The following EVC variants were observed in gnomAD, a reference collection of about 807,000 sequenced individuals.
The protein encoded by EVC is EvC ciliary complex subunit 1, also known as evC complex member EVC.
A neutral mutation model predicts 118.9 loss-of-function variants in EVC; 116 were observed. That is an observed-to-expected ratio of 0.98 (90% CI 0.84 to 1.14). The LOEUF (loss-of-function observed/expected upper bound fraction) is 1.14. Among genes scored for constraint, EVC ranks in the 50% most tolerant of loss-of-function variants. EVC has a pLI of 0.00. For missense variants in EVC, 1,401 were observed against 1,246.4 expected (o/e 1.12, Z -1.87); for synonymous variants, 619 against 534.7 (o/e 1.16, Z -2.18).
chr4:5,765,174 C>T lies in EVC; in HGVS notation c.1563+8812C>T, dbSNP rs2152142900. 1.7e-5 allele frequency among the ~76,000 whole-genome samples: 2 copies of T among 117,854 alleles called. 1 individual carries two copies. The highest frequency in any genetic ancestry group is 5.4e-4 in the East Asian group (2 of 3,688). 77.3% of individuals were successfully genotyped at this position (117,854 alleles called of 152,430 possible). A position where few individuals can be genotyped will look rare whatever the true frequency, so the allele number is the denominator to read the frequency against. ...TTTTGTTATGTATCCAGTAGTCATT[C>T]AGGAGCAGGTTGTTCAGTTTCCATG... On this transcript the variant is annotated intron_variant, in intron 11 of 20. Transcript: ENST00000264956.
At chr4:5,792,301 CAAGTT>C (rs1293614094) in intron 12 of EVC, among the ~76,000 whole-genome samples, 2 of 152,212 alleles carry the variant, frequency 1.3e-5, no homozygotes, top group Admixed American at 6.5e-5. Flanking sequence ...GTTAGAAAGT[CAAGTT>C]AAGGAAAACA....
At chr4:5,825,900 G>C in the EVC span, 18,760 of 531,396 alleles carry the variant, frequency 0.035, 430 homozygotes, top group African/African-American at 0.056. This position sits in a 1 kb window ranked among gnomAD's most constrained non-coding sequence, Gnocchi z 4.4. Flanking sequence ...TACACATACA[G>C]ACGCACACAC....
chr4:5,819,565 C>T, the EVC span, among the ~76,000 whole-genome samples: 1 of 152,190 alleles, frequency 6.6e-6, no homozygotes, highest in Non-Finnish European at 1.5e-5. Context: ...GCTCCCATGA[C>T]CTGGGAGTCA....
chr4:5,819,405 C>T, the EVC span, among the ~76,000 whole-genome samples: 1 of 152,210 alleles, frequency 6.6e-6, no homozygotes, highest in African/African-American at 2.4e-5. Flanking sequence ...AAGGAAGTCA[C>T]ATGCCTTAAA....
At chr4:5,791,984 G>C (rs1400209267) in intron 12 of EVC, among the ~76,000 whole-genome samples, 2 of 152,204 alleles carry the variant, frequency 1.3e-5, no homozygotes, top group African/African-American at 4.8e-5. Context: ...GGGGAGCTCT[G>C]ATGGCCTGTG....
intron 11 of EVC, among the ~76,000 whole-genome samples, chr4:5,782,628 A>T (rs1179103419): frequency 7.0e-6 from 1 of 141,866 alleles, no homozygotes; most frequent in African/African-American, 2.6e-5. Flanking sequence ...TTTGTTTTTC[A>T]TGATTTTTAG....
Position 5,753,041 on chromosome 4 carries a change from G to A in EVC, c.1304G>A (p.Arg435His), listed in dbSNP as rs138898694. 236 of 1,597,198 alleles carry A rather than the reference G, an allele frequency of 1.5e-4. No individual in the cohort carries two copies. The highest frequency in any genetic ancestry group is 1.2e-3 in the African/African-American group (92 of 74,902). ...QHKAFWQEAERFSREFVQRGK... is the reference protein window; with the variant it reads ...QHKAFWQEAEHFSREFVQRGK... ...AAGGCCTTCTGGCAGGAGGCAGAGCGCTTCAGCCGGGGTGAGCCGTGGGCA... is the reference window on the plus strand; with the variant it reads ...AAGGCCTTCTGGCAGGAGGCAGAGCACTTCAGCCGGGGTGAGCCGTGGGCA... The change falls in exon 9 of 21, where the codon CGC becomes CAC. Residue 435 changes from arginine (R) to histidine (H), a missense_variant. Coordinates refer to ENST00000264956, the MANE Select transcript of EVC (RefSeq NM_153717.3).
chr4:5,711,588 G>C lies in EVC; in HGVS notation c.174+34G>C, dbSNP rs1042350702. On this transcript the variant is annotated intron_variant, in intron 1 of 20. Transcript: ENST00000264956. The stretch of plus-strand genomic sequence containing the variant: ...GCCGAGCAGACAGCGGCGGGGCGGG[G>C]AGCGCGGGGCGCGTGGCTTCTGGGT... The C allele has an allele frequency of 8.2e-5, 96 of 1,170,784 alleles. No individual in the cohort carries two copies. In the African/African-American group the frequency reaches 1.4e-3, roughly 17 times the overall value. 72.5% of individuals were successfully genotyped at this position (1,170,784 alleles called of 1,614,324 possible). A position where few individuals can be genotyped will look rare whatever the true frequency, so the allele number is the denominator to read the frequency against.
rs1730926821 is a variant in EVC, at chr4:5,754,879, T to C, written c.1464+946T>C. On this transcript the variant is annotated intron_variant, in intron 10 of 20. Transcript: ENST00000264956. The surrounding 1 kb of genome is among the most constrained non-coding windows in gnomAD (Gnocchi z 5.8). ...GGTCCGCCTGCCCTCCGTCAACACT[T>C]GGTACAGCACATCTCAGTTCTGCCA... Among the ~76,000 whole-genome samples the C allele has an allele frequency of 6.6e-6, 1 of 152,056 alleles. No homozygotes were observed. The highest frequency in any genetic ancestry group is 6.5e-5 in the Admixed American group (1 of 15,276).
chr4:5,748,779 C>CCCAT lies in EVC; in HGVS notation c.1098+496_1098+499dup, dbSNP rs145024569. On this transcript the variant is annotated intron_variant, in intron 8 of 20. Coordinates refer to ENST00000264956, the MANE Select transcript of EVC (RefSeq NM_153717.3). ...ATTTACTCATCCATCCATCCATCCACCCATCCATCCATCCATCCATCCATC... is the reference window on the plus strand; with the variant it reads ...ATTTACTCATCCATCCATCCATCCACCCATCCATCCATCCATCCATCCATCCATC... 2.0e-4 allele frequency among the ~76,000 whole-genome samples: 16 copies of CCCAT among 80,288 alleles called. No homozygotes were observed. In the South Asian group the frequency reaches 2.8e-3, roughly 14 times the overall value. The allele number at this position is 80,288 out of a possible 152,430, so 52.7% of individuals were successfully genotyped here. A position where few individuals can be genotyped will look rare whatever the true frequency, so the allele number is the denominator to read the frequency against.
chr4:5,827,755 G>A, the EVC span, among the ~76,000 whole-genome samples: 4 of 116,640 alleles, frequency 3.4e-5, no homozygotes, highest in South Asian at 5.3e-4. Flanking sequence ...ACACACACAC[G>A]AAGCTGGCCT....
chr4:5,745,389 CA>C, intron 7 of EVC, 48 bp downstream of exon 7: 1 of 1,602,522 alleles, frequency 6.2e-7, no homozygotes, highest in South Asian at 1.1e-5. Flanking sequence ...GTTCCTAAAA[CA>C]GTTAAATTGG....
the EVC span, among the ~76,000 whole-genome samples, chr4:5,827,299 T>G: frequency 6.6e-6 from 1 of 152,178 alleles, no homozygotes; most frequent in African/African-American, 2.4e-5. Flanking sequence ...TGAGTCCCCT[T>G]GTCCTCATAT....
intron 12 of EVC, among the ~76,000 whole-genome samples, chr4:5,784,049 C>T (rs1182899556): frequency 1.3e-5 from 2 of 152,024 alleles, no homozygotes; most frequent in Admixed American, 1.3e-4. Flanking sequence ...AACCAAATGG[C>T]AGGAAGGAAA....
intron 1 of EVC, among the ~76,000 whole-genome samples, chr4:5,714,636 G>T (rs1472962263): frequency 6.6e-6 from 1 of 152,012 alleles, no homozygotes; most frequent in Non-Finnish European, 1.5e-5. Context: ...CAATACGGAG[G>T]TTATAGGGGA....
intron 1 of EVC, among the ~76,000 whole-genome samples, chr4:5,715,115 T>C (rs11943163): frequency 0.94 from 142,874 of 152,236 alleles, 67,101 homozygotes; most frequent in African/African-American, 0.97. Context: ...CATCTGGCCT[T>C]GGTTTTTTCA....
At chr4:5,732,376 A>G (rs1350577449) in intron 4 of EVC, among the ~76,000 whole-genome samples, 1 of 152,236 alleles carries the variant, frequency 6.6e-6, no homozygotes, top group Admixed American at 6.5e-5. Flanking sequence ...TGGGCTCAGC[A>G]CCTTGAGCCT....
the EVC span, chr4:5,824,329 G>C: frequency 1.0e-6 from 1 of 985,380 alleles, no homozygotes; most frequent in Non-Finnish European, 1.2e-6. Flanking sequence ...GCAAAAATAT[G>C]AAACACTGGA....
At chr4:5,809,237 C>T (rs1163451004) in intron 18 of EVC, among the ~76,000 whole-genome samples, 3 of 152,172 alleles carry the variant, frequency 2.0e-5, no homozygotes, top group Admixed American at 6.5e-5. Flanking sequence ...GCACCTGCTC[C>T]GGGCAGGTCA....
Sources: allele counts gnomAD v4.1 joint callset (sites outside exome capture counted in the v4.1 genomes callset), GRCh38; gene constraint gnomAD v4.1.1; non-coding constraint Gnocchi (gnomAD v3.1); transcripts MANE v1.5; gene names NCBI Gene and HGNC (gene_info 2026-07-23, HGNC 2026-07-21).